The following MDFIC variants were observed in gnomAD, a reference collection of about 807,000 sequenced individuals.
MDFIC encodes the protein myoD family inhibitor domain-containing protein.
Under a neutral mutation model 23.2 loss-of-function variants are expected in MDFIC, and 17 were observed. That is an observed-to-expected ratio of 0.73 (90% CI 0.50 to 1.10). MDFIC has a LOEUF of 1.10. Ranked by LOEUF, MDFIC falls within the 50% of genes least tolerant of loss-of-function variation. The pLI, the probability that MDFIC is intolerant of heterozygous loss-of-function variation, is 0.00. For synonymous variants in MDFIC, 120 were observed against 115.2 expected (o/e 1.04, Z -0.27); for missense variants, 356 against 316.6 (o/e 1.12, Z -0.95).
chr7:114,930,617 A>G (rs1449283524), intron 2 of MDFIC, among the ~76,000 whole-genome samples: 1 of 152,166 alleles, frequency 6.6e-6, no homozygotes, highest in African/African-American at 2.4e-5. Flanking sequence ...AGATGATTTC[A>G]TGGAAAGAAG....
chr7:114,978,876 A>G (rs1404658324), intron 3 of MDFIC, among the ~76,000 whole-genome samples: 2 of 152,242 alleles, frequency 1.3e-5, no homozygotes, highest in Middle Eastern at 3.4e-3. Flanking sequence ...AAGTCCTGAC[A>G]TTTAATTTTG....
At chr7:114,992,159 A>G (rs1366813644) in intron 4 of MDFIC, among the ~76,000 whole-genome samples, 3 of 152,104 alleles carry the variant, frequency 2.0e-5, no homozygotes, top group Admixed American at 1.3e-4. Context: ...TTTGTCTATT[A>G]TTGGTGTATA....
At chr7:114,984,610 A>G (rs913345822) in intron 4 of MDFIC, among the ~76,000 whole-genome samples, 3 of 152,302 alleles carry the variant, frequency 2.0e-5, no homozygotes, top group South Asian at 2.1e-4. Context: ...ATATTTTCAT[A>G]CATACTTTAA....
intron 4 of MDFIC, among the ~76,000 whole-genome samples, chr7:114,991,043 A>G (rs2116023125): frequency 6.6e-6 from 1 of 151,964 alleles, no homozygotes. Context: ...TCACCATTCT[A>G]ACTGGTGTGA....
chr7:114,929,641 T>C (rs1173431030), intron 2 of MDFIC, among the ~76,000 whole-genome samples: 2 of 152,204 alleles, frequency 1.3e-5, no homozygotes, highest in Non-Finnish European at 2.9e-5. Flanking sequence ...GTCTTCTTAG[T>C]CACAGGAGCA....
chr7:114,995,783 T>G (rs773149252), intron 4 of MDFIC, among the ~76,000 whole-genome samples: 6 of 152,194 alleles, frequency 3.9e-5, no homozygotes, highest in Non-Finnish European at 7.4e-5. Flanking sequence ...GTTAGGCTAC[T>G]TGGGGATCAG....
chr7:114,966,432 C>A (rs1374983771), intron 3 of MDFIC, among the ~76,000 whole-genome samples: 1 of 148,480 alleles, frequency 6.7e-6, no homozygotes. Context: ...GGAAAAAACA[C>A]CACCAAACTG....
chr7:114,948,820 C>T (rs78032922), intron 3 of MDFIC, among the ~76,000 whole-genome samples: 1 of 152,144 alleles, frequency 6.6e-6, no homozygotes, highest in Non-Finnish European at 1.5e-5. Context: ...TTGGAATTTG[C>T]TCATGGATTT....
At chr7:114,967,070 A>T (rs1793112501) in intron 3 of MDFIC, among the ~76,000 whole-genome samples, 1 of 152,212 alleles carries the variant, frequency 6.6e-6, no homozygotes, top group African/African-American at 2.4e-5. Flanking sequence ...TATTCCCAAT[A>T]CTTTTCTTTG....
chr7:114,922,414 G>A lies in MDFIC; in HGVS notation c.-330G>A. On this transcript the variant is annotated 5_prime_UTR_variant, in exon 1 of 5. Coordinates refer to ENST00000393486, the MANE Select transcript of MDFIC (RefSeq NM_001166345.3). ...AGTGAGCTGGCTGGAAAGAGGGGGC[G>A]GAGTGCGCGGAGTCAGAGCCGCCAC... The A allele has an allele frequency of 8.1e-7, 1 of 1,239,326 alleles. No individual in the cohort carries two copies. Among genetic ancestry groups the A allele is most frequent in the Non-Finnish European group, 1.0e-6 (1 of 989,166 alleles). The allele number at this position is 1,239,326 out of a possible 1,614,324, so 76.8% of individuals were successfully genotyped here. A position where few individuals can be genotyped will look rare whatever the true frequency, so the allele number is the denominator to read the frequency against.
intron 2 of MDFIC, among the ~76,000 whole-genome samples, chr7:114,937,603 T>C (rs1251021379): frequency 6.6e-6 from 1 of 152,242 alleles, no homozygotes; most frequent in African/African-American, 2.4e-5. Context: ...GTCACACAGA[T>C]GGTCAGCCTT....
At chr7:114,928,629 C>T (rs937874279) in intron 2 of MDFIC, among the ~76,000 whole-genome samples, 1 of 152,108 alleles carries the variant, frequency 6.6e-6, no homozygotes, top group African/African-American at 2.4e-5. Context: ...ACAAGATAGC[C>T]TAAAGTCAGT....
At chr7:114,951,040 G>T (rs1388163564) in intron 3 of MDFIC, among the ~76,000 whole-genome samples, 1 of 152,142 alleles carries the variant, frequency 6.6e-6, no homozygotes, top group Non-Finnish European at 1.5e-5. Context: ...AAAATCATTA[G>T]CCAGGCATGG....
rs1457908927 is a variant in MDFIC at position 115,019,503 on chromosome 7, AG to A, written c.*3569del. On this transcript the variant is annotated 3_prime_UTR_variant, in exon 5 of 5. Transcript: ENST00000393486. Reference sequence around the variant, plus strand: ...CAAACATCACTGCCCAACATAAATAAGACTCGAGACTTATTAACATAAATAA... The same window carrying A: ...CAAACATCACTGCCCAACATAAATAAACTCGAGACTTATTAACATAAATAA... Among the ~76,000 whole-genome samples the A allele has an allele frequency of 2.6e-5, 4 of 152,090 alleles. No individual in the cohort carries two copies. The highest frequency in any genetic ancestry group is 9.7e-5 in the African/African-American group (4 of 41,438).
At chr7:115,000,457 T>C (rs549434812) in intron 4 of MDFIC, among the ~76,000 whole-genome samples, 97 of 152,328 alleles carry the variant, frequency 6.4e-4, no homozygotes, top group African/African-American at 2.0e-3. Context: ...AAATACTTTA[T>C]CTCCATGGCA....
At chr7:114,959,032 A>C (rs1792937089) in intron 3 of MDFIC, among the ~76,000 whole-genome samples, 1 of 152,214 alleles carries the variant, frequency 6.6e-6, no homozygotes. Flanking sequence ...TATTTAAATG[A>C]TACAGTTCAC....
chr7:115,014,628 C>A lies in MDFIC; in HGVS notation c.494-1060C>A, dbSNP rs545833177. ...TATACAAAGTACAAAAACAAAAAAA[C>A]AAGGAACCCACACAAAACAACCCAG... On this transcript the variant is annotated intron_variant, in intron 4 of 4. Transcript: ENST00000393486. 5.2e-4 allele frequency: 476 copies of A among 921,268 alleles called. 4 individuals carry two copies. The South Asian group carries it at 9.6e-3, about 19-fold the overall frequency. The allele number at this position is 921,268 out of a possible 1,614,324, so 57.1% of individuals were successfully genotyped here. A position where few individuals can be genotyped will look rare whatever the true frequency, so the allele number is the denominator to read the frequency against.
chr7:115,009,824 A>G (rs1791645358), intron 4 of MDFIC, among the ~76,000 whole-genome samples: 1 of 152,146 alleles, frequency 6.6e-6, no homozygotes, highest in Non-Finnish European at 1.5e-5. Context: ...CATAGTAAAG[A>G]TTTCCTTTTA....
At chr7:115,002,414 A>T (rs769714546) in intron 4 of MDFIC, among the ~76,000 whole-genome samples, 5 of 152,196 alleles carry the variant, frequency 3.3e-5, no homozygotes, top group Non-Finnish European at 7.3e-5. Context: ...CCCTCCACAG[A>T]ACTTCAATAT....
Sources: allele counts gnomAD v4.1 joint callset (sites outside exome capture counted in the v4.1 genomes callset), GRCh38; gene constraint gnomAD v4.1.1; transcripts MANE v1.5; gene names NCBI Gene and HGNC (gene_info 2026-07-23, HGNC 2026-07-21).